NKAIN1: variants seen among roughly 807,000 people sequenced by gnomAD.
NKAIN1 encodes sodium/potassium-transporting ATPase subunit beta-1-interacting protein 1.
Under a neutral mutation model 31.6 loss-of-function variants are expected in NKAIN1, and 13 were observed. That is an observed-to-expected ratio of 0.41 (90% CI 0.27 to 0.65). The LOEUF (loss-of-function observed/expected upper bound fraction) is 0.65. Among genes scored for constraint, NKAIN1 ranks in the 30% least tolerant of loss-of-function variants. The pLI is 0.30. For missense variants in NKAIN1, 193 were observed against 262.2 expected (o/e 0.74, Z 1.82); for synonymous variants, 104 against 109.0 (o/e 0.95, Z 0.28).
intron 1 of NKAIN1, among the ~76,000 whole-genome samples, chr1:31,217,940 T>G (rs1248825171): frequency 1.3e-5 from 2 of 152,210 alleles, no homozygotes; most frequent in African/African-American, 4.8e-5. Context: ...ACAATCATGA[T>G]TTATGCTTCA....
chr1:31,212,253 A>G (rs537958287), intron 1 of NKAIN1, among the ~76,000 whole-genome samples: 1 of 152,264 alleles, frequency 6.6e-6, no homozygotes, highest in African/African-American at 2.4e-5. Context: ...ACTCACATGC[A>G]AAAGAATAAA....
chr1:31,228,595 C>T (rs557531216), intron 1 of NKAIN1, among the ~76,000 whole-genome samples: 4 of 149,722 alleles, frequency 2.7e-5, no homozygotes, highest in African/African-American at 4.9e-5. Context: ...AGCAGTCATC[C>T]GACCTACACA....
chr1:31,218,016 TTTTC>T (rs1553163596), intron 1 of NKAIN1, among the ~76,000 whole-genome samples: 3,375 of 108,162 alleles, frequency 0.031, 77 homozygotes, highest in African/African-American at 0.043. Context: ...GCAGCTACCA[TTTTC>T]TTTCTTTCTT....
chr1:31,197,273 G>A (rs1314481956), intron 1 of NKAIN1, among the ~76,000 whole-genome samples: 5 of 151,134 alleles, frequency 3.3e-5, no homozygotes, highest in East Asian at 2.0e-4. Context: ...CAGCACGCCC[G>A]GCTAATTTTT....
At chr1:31,190,646 G>A (rs1255680067) in intron 1 of NKAIN1, among the ~76,000 whole-genome samples, 1 of 152,142 alleles carries the variant, frequency 6.6e-6, no homozygotes, top group Non-Finnish European at 1.5e-5. Context: ...CTGGGTTTGG[G>A]GCTCCTCTTC....
rs34605060 is a variant in NKAIN1 at position 31,232,424 on chromosome 1, T to TAGAGAGAGAGAG, written c.54+7058_54+7069dup. Among the ~76,000 whole-genome samples, 40 of 16,910 alleles carry TAGAGAGAGAGAG rather than the reference T, an allele frequency of 2.4e-3. 3 individuals carry two copies. The highest frequency in any genetic ancestry group is 0.013 in the East Asian group (3 of 224). The allele number at this position is 16,910 out of a possible 152,430, so 11.1% of individuals were successfully genotyped here. A position where few individuals can be genotyped will look rare whatever the true frequency, so the allele number is the denominator to read the frequency against. On this transcript the variant is annotated intron_variant, in intron 1 of 6. Coordinates refer to ENST00000373736, the MANE Select transcript of NKAIN1 (RefSeq NM_024522.3). ...ATATATATATATATATATATATATATAGAGAGAGAGAGAGAGAGAGAGAGA... is the reference window on the plus strand; with the variant it reads ...ATATATATATATATATATATATATATAGAGAGAGAGAGAGAGAGAGAGAGAGAGAGAGAGAGA...
chr1:31,193,193 C>T (rs1245841828), intron 1 of NKAIN1, among the ~76,000 whole-genome samples: 5 of 151,570 alleles, frequency 3.3e-5, no homozygotes, highest in East Asian at 2.0e-4. Flanking sequence ...CTCAGCCTCC[C>T]AAGTAGCTGG....
chr1:31,232,706 C>A (rs144026423), intron 1 of NKAIN1, among the ~76,000 whole-genome samples: 16 of 151,752 alleles, frequency 1.1e-4, no homozygotes, highest in African/African-American at 3.6e-4. Context: ...TAAAAAAATA[C>A]AAAATAAAAA....
At chr1:31,207,570 G>A (rs1026668165) in intron 1 of NKAIN1, among the ~76,000 whole-genome samples, 1 of 152,042 alleles carries the variant, frequency 6.6e-6, no homozygotes, top group African/African-American at 2.4e-5. Context: ...TCATCCCCAA[G>A]CAGCCCAGCA....
Position 31,182,739 on chromosome 1 carries a change from C to A in NKAIN1, c.472-149G>T, listed in dbSNP as rs1645213116. The A allele has an allele frequency of 4.2e-6, 3 of 722,774 alleles. No individual in the cohort carries two copies. In the South Asian group the frequency reaches 5.5e-5, roughly 13 times the overall value. 44.8% of individuals were successfully genotyped at this position (722,774 alleles called of 1,614,324 possible). ...AACAACTTCCAATTAAATGTTTTCA[C>A]CTTAAAGTCAAACATACATGGTCTA... On this transcript the variant is annotated intron_variant, in intron 4 of 6. Coordinates refer to ENST00000373736, the MANE Select transcript of NKAIN1 (RefSeq NM_024522.3).
At chr1:31,183,318 T>C (rs1557648217) in intron 4 of NKAIN1, among the ~76,000 whole-genome samples, 1 of 151,890 alleles carries the variant, frequency 6.6e-6, no homozygotes, top group African/African-American at 2.4e-5. Flanking sequence ...CTCATCCTAC[T>C]CACTAAACCT....
intron 1 of NKAIN1, among the ~76,000 whole-genome samples, chr1:31,194,767 CTTTTTTTTT>C (rs35385145): frequency 1.0e-5 from 1 of 99,400 alleles, no homozygotes; most frequent in East Asian, 2.9e-4. Flanking sequence ...CTCTCTCTCT[CTTTTTTTTT>C]TTTTTTTTTT....
rs993697630 is a variant in NKAIN1, at chr1:31,180,240, C to T, written c.*1463G>A. 1 of 152,476 alleles carries T rather than the reference C, an allele frequency of 6.6e-6. No homozygotes were observed. The highest frequency in any genetic ancestry group is 2.4e-5 in the African/African-American group (1 of 41,466). 9.4% of individuals were successfully genotyped at this position (152,476 alleles called of 1,614,324 possible). ...TGCACCATCTGGGTGCCCCCCAGTTCCTCCATGTCTCCTGCCCTCCTTTCT... is the reference window on the plus strand; with the variant it reads ...TGCACCATCTGGGTGCCCCCCAGTTTCTCCATGTCTCCTGCCCTCCTTTCT... On this transcript the variant is annotated 3_prime_UTR_variant, in exon 7 of 7. Transcript: ENST00000373736.
intron 1 of NKAIN1, among the ~76,000 whole-genome samples, chr1:31,194,163 C>T (rs755274090): frequency 2.0e-5 from 3 of 152,116 alleles, no homozygotes; most frequent in Non-Finnish European, 4.4e-5. Flanking sequence ...TTCTAAAATA[C>T]AAATCTCATC....
intron 1 of NKAIN1, among the ~76,000 whole-genome samples, chr1:31,218,579 T>G (rs1645535902): frequency 6.6e-6 from 1 of 152,182 alleles, no homozygotes; most frequent in Non-Finnish European, 1.5e-5. Flanking sequence ...TTCCACTCCC[T>G]CAGCTTCCTC....
At chr1:31,220,100 C>T (rs1007111597) in intron 1 of NKAIN1, among the ~76,000 whole-genome samples, 15 of 150,716 alleles carry the variant, frequency 1.0e-4, no homozygotes, top group Non-Finnish European at 1.6e-4. Context: ...CTCTGCCTCC[C>T]GGGTTCAAGC....
chr1:31,186,654 A>G (rs1201411890), intron 2 of NKAIN1, among the ~76,000 whole-genome samples: 1 of 151,762 alleles, frequency 6.6e-6, no homozygotes, highest in Non-Finnish European at 1.5e-5. Context: ...CCAAGCATAG[A>G]ACGGGAGTCC....
At chr1:31,216,386 C>A (rs537363453) in intron 1 of NKAIN1, among the ~76,000 whole-genome samples, 4 of 152,294 alleles carry the variant, frequency 2.6e-5, no homozygotes, top group African/African-American at 9.6e-5. Context: ...ATAGCTAATG[C>A]TTACCCTATG....
At chr1:31,218,075 T>TCTCTC (rs1557660009) in intron 1 of NKAIN1, among the ~76,000 whole-genome samples, 2 of 148,340 alleles carry the variant, frequency 1.3e-5, no homozygotes, top group Admixed American at 6.7e-5. Context: ...TTTCTTTTTT[T>TCTCTC]TTTTTGAGAT....
Sources: gnomAD v4.1 joint callset for allele counts (sites outside exome capture counted in the v4.1 genomes callset) on GRCh38, gnomAD v4.1.1 for gene constraint, MANE v1.5 for transcripts, NCBI Gene and HGNC (gene_info 2026-07-23, HGNC 2026-07-21) for gene names.